The following BRD10 variants were observed in gnomAD, a reference collection of about 807,000 sequenced individuals.
The protein encoded by BRD10 is bromodomain containing 10, also known as uncharacterized bromodomain-containing protein 10.
At chr9:5,920,366 A>G in the BRD10 span, 8 of 1,613,890 alleles carry the variant, frequency 5.0e-6, no homozygotes, top group Non-Finnish European at 5.9e-6. Context: ...GGTATTGATG[A>G]CTATTTTTTG....
chr9:5,942,829 A>C, the BRD10 span, among the ~76,000 whole-genome samples: 1 of 152,186 alleles, frequency 6.6e-6, no homozygotes, highest in African/African-American at 2.4e-5. Flanking sequence ...AAATTTTCTG[A>C]TTAACATGCC....
At chr9:5,915,475 C>G in the BRD10 span, among the ~76,000 whole-genome samples, 1 of 152,344 alleles carries the variant, frequency 6.6e-6, no homozygotes, top group African/African-American at 2.4e-5. Flanking sequence ...CCCCCATATA[C>G]TTTCGAATAT....
the BRD10 span, among the ~76,000 whole-genome samples, chr9:5,972,898 C>G: frequency 6.6e-5 from 10 of 152,066 alleles, no homozygotes; most frequent in Admixed American, 2.0e-4. Flanking sequence ...TAAGTGCCAA[C>G]AGAAATTTCC....
chr9:5,904,390 T>G, the BRD10 span, among the ~76,000 whole-genome samples: 1 of 152,202 alleles, frequency 6.6e-6, no homozygotes, highest in Non-Finnish European at 1.5e-5. Context: ...TATTTTTGTC[T>G]TTACTCTTTT....
the BRD10 span, among the ~76,000 whole-genome samples, chr9:5,993,730 C>G: frequency 6.6e-6 from 1 of 152,142 alleles, no homozygotes; most frequent in Non-Finnish European, 1.5e-5. Flanking sequence ...GTCAGTCCCT[C>G]CTATTGGCTG....
the BRD10 span, among the ~76,000 whole-genome samples, chr9:5,964,495 T>C: frequency 6.9e-6 from 1 of 144,698 alleles, no homozygotes; most frequent in African/African-American, 2.5e-5. Context: ...GAAGTCAGTG[T>C]GGCGATTCCT....
the BRD10 span, among the ~76,000 whole-genome samples, chr9:5,880,317 G>A: frequency 1.0e-4 from 15 of 149,988 alleles, no homozygotes; most frequent in Admixed American, 6.0e-4. Context: ...TTAGAGACCA[G>A]CCGGACCAAC....
chr9:5,979,225 A>G, the BRD10 span, among the ~76,000 whole-genome samples: 1 of 152,260 alleles, frequency 6.6e-6, no homozygotes, highest in Non-Finnish European at 1.5e-5. Flanking sequence ...CTAACAAAAT[A>G]CACACTGGCT....
chr9:5,937,614 C>G, the BRD10 span, among the ~76,000 whole-genome samples: 36 of 152,342 alleles, frequency 2.4e-4, no homozygotes, highest in African/African-American at 8.2e-4. Flanking sequence ...GTCAACTCCT[C>G]TGAAACTCAA....
At chr9:6,006,665 CAGT>C in the BRD10 span, among the ~76,000 whole-genome samples, 2 of 152,162 alleles carry the variant, frequency 1.3e-5, no homozygotes. Flanking sequence ...GAGAAAAGAT[CAGT>C]AGTATGCAAA....
At chr9:5,936,732 A>T in the BRD10 span, among the ~76,000 whole-genome samples, 1 of 152,202 alleles carries the variant, frequency 6.6e-6, no homozygotes, top group South Asian at 2.1e-4. Flanking sequence ...AAAGATTTTT[A>T]TATCTTCTAT....
At chr9:5,921,764 G>A in the BRD10 span, 12 of 1,613,838 alleles carry the variant, frequency 7.4e-6, no homozygotes, top group African/African-American at 1.1e-4. Context: ...CGAACTACTT[G>A]TTGTTGATGG....
the BRD10 span, among the ~76,000 whole-genome samples, chr9:5,942,967 TC>T: frequency 6.6e-6 from 1 of 152,156 alleles, no homozygotes; most frequent in Non-Finnish European, 1.5e-5. Context: ...AGCCTCGACC[TC>T]CTGGGCACAA....
the BRD10 span, among the ~76,000 whole-genome samples, chr9:5,893,922 G>A: frequency 7.5e-6 from 1 of 132,462 alleles, no homozygotes; most frequent in Non-Finnish European, 1.6e-5. Flanking sequence ...CCCGCCCCGT[G>A]GCACCCACCC....
At chr9:5,913,870 C>T in the BRD10 span, 1 of 303,502 alleles carries the variant, frequency 3.3e-6, no homozygotes, top group Admixed American at 4.8e-5. Flanking sequence ...GAGTAAGCAT[C>T]TTTGTAGTCT....
At chr9:6,004,476 T>C in the BRD10 span, among the ~76,000 whole-genome samples, 17 of 152,330 alleles carry the variant, frequency 1.1e-4, no homozygotes, top group East Asian at 3.3e-3. Context: ...GGCTGCTCTC[T>C]AATGAGAATG....
chr9:5,880,767 C>A, the BRD10 span, among the ~76,000 whole-genome samples: 1 of 150,968 alleles, frequency 6.6e-6, no homozygotes, highest in South Asian at 2.1e-4. Flanking sequence ...TGCAGTGGTG[C>A]CATCTCAGCT....
the BRD10 span, chr9:5,897,969 A>T: frequency 3.6e-6 from 1 of 278,368 alleles, no homozygotes; most frequent in African/African-American, 2.1e-5. Flanking sequence ...TCTAGGGGCC[A>T]CACCTGGTGA....
At chr9:5,930,209 C>T in the BRD10 span, among the ~76,000 whole-genome samples, 3 of 151,050 alleles carry the variant, frequency 2.0e-5, no homozygotes, top group African/African-American at 4.9e-5. Context: ...TAATTATATA[C>T]GTTATGGGTC....
Sources: allele counts gnomAD v4.1 joint callset (sites outside exome capture counted in the v4.1 genomes callset), GRCh38; gene constraint gnomAD v4.1.1; transcripts MANE v1.5; gene names NCBI Gene and HGNC (gene_info 2026-07-23, HGNC 2026-07-21).